CD1A: variants seen among roughly 807,000 people sequenced by gnomAD.
The protein encoded by CD1A is T-cell surface glycoprotein CD1a.
Under a neutral mutation model 38.3 loss-of-function variants are expected in CD1A, and 50 were observed. The ratio of observed to expected loss-of-function variants is 1.30; its 90% CI spans 1.04 to 1.65. The LOEUF is 1.65. Among genes scored for constraint, CD1A ranks in the 40% most tolerant of loss-of-function variants. The pLI is 0.00. For synonymous variants in CD1A, 160 were observed against 150.8 expected (o/e 1.06, Z -0.45); for missense variants, 459 against 406.1 (o/e 1.13, Z -1.12).
chr1:158,255,160 C>A lies in CD1A; in HGVS notation c.135C>A (p.Val45=), dbSNP rs1389749748. Residue 45 remains valine, a synonymous_variant, in exon 2 of 6, where the codon GTC becomes GTA. Coordinates refer to ENST00000289429, the MANE Select transcript of CD1A (RefSeq NM_001763.3). ...ACCATTCCTGGAAACAAAATCTGGT[C>A]TCAGGTTGGCTGAGTGATTTGCAGA... ...FYNHSWKQNL[V]SGWLSDLQTH... 6.2e-7 allele frequency: 1 copy of A among 1,614,144 alleles called. No homozygotes were observed. Among genetic ancestry groups the A allele is most frequent in the Admixed American group, 1.7e-5 (1 of 60,022 alleles).
At chr1:158,253,233 G>GT (rs1650134078), upstream of CD1A, among the ~76,000 whole-genome samples, 1 of 152,100 alleles carries the variant, frequency 6.6e-6, no homozygotes, top group Non-Finnish European at 1.5e-5. Flanking sequence ...CCCTTCAACA[G>GT]TTACAAGCAG....
At chr1:158,252,045 GGT>G (rs1650102346), upstream of CD1A, among the ~76,000 whole-genome samples, 1 of 151,900 alleles carries the variant, frequency 6.6e-6, no homozygotes, top group African/African-American at 2.4e-5. Flanking sequence ...TGGCCAGGTT[GGT>G]CTCGAACTCC....
upstream of CD1A, among the ~76,000 whole-genome samples, chr1:158,253,106 A>T (rs1650129656): frequency 2.0e-5 from 3 of 152,130 alleles, no homozygotes; most frequent in South Asian, 6.2e-4. Flanking sequence ...CAAGAAAAAA[A>T]ATTTTTTCCC....
In CD1A at chr1:158,256,197, CAT is replaced by C; in HGVS notation, c.521_522del (p.Ile174AsnfsTer7). On this transcript the variant is annotated frameshift_variant, in exon 3 of 6. Coordinates refer to ENST00000289429, the MANE Select transcript of CD1A (RefSeq NM_001763.3). LOFTEE classifies it high-confidence loss of function. ...VLNQNQHEND[I>X]THNLLSDTCP... ...TCAATCAGAATCAGCATGAAAATGA[CAT>C]AACACACAATCTTCTCAGTGACACC... The C allele has an allele frequency of 2.5e-6, 4 of 1,614,136 alleles. No homozygotes were observed. Among genetic ancestry groups the C allele is most frequent in the Non-Finnish European group, 3.4e-6 (4 of 1,179,978 alleles).
At chr1:158,250,853 A>G (rs1650069065), upstream of CD1A, among the ~76,000 whole-genome samples, 1 of 152,234 alleles carries the variant, frequency 6.6e-6, no homozygotes, top group African/African-American at 2.4e-5. Flanking sequence ...TTTAAGGATT[A>G]CAGTCCCTAT....
Position 158,257,972 on chromosome 1 carries a change from A to T in CD1A, c.*282A>T. On this transcript the variant is annotated 3_prime_UTR_variant, in exon 6 of 6. Transcript: ENST00000289429. ...CCTAGCAACCTCCACATGTTCAACT[A>T]TTAATGGATCATCAGGCCTGTTTTA... The T allele has an allele frequency of 2.4e-6, 1 of 420,828 alleles. No individual in the cohort carries two copies. Among genetic ancestry groups the T allele is most frequent in the Non-Finnish European group, 4.3e-6 (1 of 233,616 alleles). 26.1% of individuals were successfully genotyped at this position (420,828 alleles called of 1,614,324 possible). A position where few individuals can be genotyped will look rare whatever the true frequency, so the allele number is the denominator to read the frequency against.
intron 2 of CD1A, 42 bp from the exon 3 acceptor site, chr1:158,255,962 T>G: frequency 6.4e-7 from 1 of 1,566,688 alleles, no homozygotes; most frequent in South Asian, 1.2e-5. Flanking sequence ...TCATTTCATT[T>G]TATATTTTTT....
At chr1:158,252,771 A>G (rs1250871268), upstream of CD1A, among the ~76,000 whole-genome samples, 1 of 151,972 alleles carries the variant, frequency 6.6e-6, no homozygotes, top group Non-Finnish European at 1.5e-5. Context: ...GGTGGTGCAT[A>G]CCTGTAATCC....
At chr1:158,250,468 T>C (rs190297783), upstream of CD1A, among the ~76,000 whole-genome samples, 5 of 152,352 alleles carry the variant, frequency 3.3e-5, no homozygotes, top group East Asian at 7.7e-4. Flanking sequence ...GCCCGGGATA[T>C]ACAATACACC....
At position 158,256,908 on chromosome 1, in the gene CD1A, G is replaced by T. The variant is rs569199745; in HGVS notation, c.727G>T (p.Glu243Ter). ...GGTGATGTGGATGCGGGGTGAGCAGGAGCAGCAGGGCACTCAGCGAGGGGA... is the reference window on the plus strand; with the variant it reads ...GGTGATGTGGATGCGGGGTGAGCAGTAGCAGCAGGGCACTCAGCGAGGGGA... ...VWVMWMRGEQ[E>*]QQGTQRGDIL... The change falls in exon 4 of 6, where the codon GAG becomes TAG. Residue 243 changes from glutamate to a stop codon, truncating the protein, a stop_gained. Transcript: ENST00000289429. LOFTEE classifies it high-confidence loss of function. 36 of 1,614,206 alleles carry T rather than the reference G, an allele frequency of 2.2e-5. No homozygotes were observed. In the African/African-American group the frequency reaches 2.9e-4, roughly 13 times the overall value.
chr1:158,254,409 T>A (rs910533191), upstream of CD1A: 33 of 1,313,932 alleles, frequency 2.5e-5, no homozygotes, highest in Admixed American at 1.1e-3. Context: ...GCAGTTGAAT[T>A]AGGGGAAGGT....
rs894156813 is a variant in CD1A at position 158,257,045 on chromosome 1, G to A, written c.864G>A (p.Gln288=). ...CRVKHSSLEG[Q]DIVLYWEHHS... Reference sequence around the variant, plus strand: ...TGAAGCACAGCAGTCTAGAGGGCCAGGACATCGTCCTCTACTGGGGTGAGA... The same window carrying A: ...TGAAGCACAGCAGTCTAGAGGGCCAAGACATCGTCCTCTACTGGGGTGAGA... Residue 288 remains glutamine, a synonymous_variant, in exon 4 of 6, where the codon CAG becomes CAA. Coordinates refer to ENST00000289429, the MANE Select transcript of CD1A (RefSeq NM_001763.3). 6 of 1,612,236 alleles carry A rather than the reference G, an allele frequency of 3.7e-6. No homozygotes were observed. Among genetic ancestry groups the A allele is most frequent in the Non-Finnish European group, 5.1e-6 (6 of 1,178,608 alleles).
upstream of CD1A, among the ~76,000 whole-genome samples, chr1:158,249,525 A>C (rs1482709578): frequency 6.6e-6 from 1 of 152,200 alleles, no homozygotes. Flanking sequence ...ACTTCCTAAT[A>C]ACATAACATT....
At chr1:158,251,610 A>C (rs1193027941), upstream of CD1A, among the ~76,000 whole-genome samples, 1 of 152,190 alleles carries the variant, frequency 6.6e-6, no homozygotes, top group African/African-American at 2.4e-5. Context: ...GCTTGGGAGA[A>C]GGAGTAAGAG....
chr1:158,255,884 C>CAA, intron 2 of CD1A, 120 bp from the exon 3 acceptor site: 1 of 1,043,664 alleles, frequency 9.6e-7, no homozygotes. Context: ...CTGACCAAAC[C>CAA]AAATTTTATT....
chr1:158,257,124 G>A (rs1305875304), intron 4 of CD1A, 60 bp downstream of exon 4: 2 of 1,532,894 alleles, frequency 1.3e-6, no homozygotes, highest in Non-Finnish European at 1.7e-6. Flanking sequence ...GGCATAGAGG[G>A]AGGGCAAGCT....
At position 158,256,025 on chromosome 1, in the gene CD1A, C is replaced by G; in HGVS notation, c.347C>G (p.Thr116Arg). 1 of 1,613,914 alleles carries G rather than the reference C, an allele frequency of 6.2e-7. No homozygotes were observed. The highest frequency in any genetic ancestry group is 8.5e-7 in the Non-Finnish European group (1 of 1,179,882). The change falls in exon 3 of 6, where the codon ACA becomes AGA. Residue 116 changes from threonine (T) to arginine (R), a missense_variant. Transcript: ENST00000289429. Reference protein sequence around the residue: ...QFEYPFEIQVTGGCELHSGKV... With the variant: ...QFEYPFEIQVRGGCELHSGKV... ...CCAGATCCTTTTGAGATACAGGTGACAGGAGGCTGTGAGCTGCACTCTGGA... is the reference window on the plus strand; with the variant it reads ...CCAGATCCTTTTGAGATACAGGTGAGAGGAGGCTGTGAGCTGCACTCTGGA...
intron 1 of CD1A, 100 bp downstream of exon 1, chr1:158,254,827 G>A: frequency 1.4e-6 from 1 of 701,272 alleles, no homozygotes. Flanking sequence ...GTGTGTGTGT[G>A]TGTGTGGTTT....
At chr1:158,256,687 AAAG>A in intron 3 of CD1A, 96 bp from the exon 4 acceptor site, 1 of 1,426,760 alleles carries the variant, frequency 7.0e-7, no homozygotes, top group South Asian at 1.4e-5. Flanking sequence ...AAAAAAAAAA[AAAG>A]AGAAATGGGA....
Sources: gnomAD v4.1 joint callset for allele counts (sites outside exome capture counted in the v4.1 genomes callset) on GRCh38, gnomAD v4.1.1 for gene constraint, MANE v1.5 for transcripts, NCBI Gene and HGNC (gene_info 2026-07-23, HGNC 2026-07-21) for gene names.